The following KLHL8 variants were observed in gnomAD, a reference collection of about 807,000 sequenced individuals.
KLHL8 encodes the protein kelch-like protein 8.
In KLHL8, 38 loss-of-function variants were observed where a neutral mutation model predicts 63.5. That is an observed-to-expected ratio of 0.60 (90% CI 0.46 to 0.78). The LOEUF is 0.78. Among genes scored for constraint, KLHL8 ranks in the 30% least tolerant of loss-of-function variants. KLHL8 has a pLI of 0.00. For synonymous variants in KLHL8, 224 were observed against 254.3 expected, an observed-to-expected ratio of 0.88 and a Z score of 1.13; for missense variants, 566 against 752.4, an observed-to-expected ratio of 0.75 and a Z score of 2.90.
Position 87,176,741 on chromosome 4 carries a change from T to A in KLHL8, c.1208+16A>T, listed in dbSNP as rs1730831726. 3.6e-6 allele frequency: 5 copies of A among 1,388,018 alleles called. No individual in the cohort carries two copies. The highest frequency in any genetic ancestry group is 5.1e-6 in the Non-Finnish European group (5 of 989,460). 86.0% of individuals were successfully genotyped at this position (1,388,018 alleles called of 1,614,324 possible). A position where few individuals can be genotyped will look rare whatever the true frequency, so the allele number is the denominator to read the frequency against. On this transcript the variant is annotated intron_variant, in intron 6 of 9. Coordinates refer to ENST00000273963, the MANE Select transcript of KLHL8 (RefSeq NM_020803.5). Reference sequence around the variant, plus strand: ...TTTCCACCATCAGTTCAAAATAACTTTCCATGCTGATCTACCTCTTTGTGT... The same window carrying A: ...TTTCCACCATCAGTTCAAAATAACTATCCATGCTGATCTACCTCTTTGTGT...
intron 1 of KLHL8, 50 bp from the exon 2 acceptor site, chr4:87,195,740 T>C: frequency 2.1e-6 from 1 of 478,238 alleles, no homozygotes; most frequent in Middle Eastern, 5.5e-4. Flanking sequence ...AGAAAAAAAT[T>C]ATTGTTAACT....
chr4:87,210,868 A>T (rs181560961), intron 1 of KLHL8, among the ~76,000 whole-genome samples: 102 of 152,252 alleles, frequency 6.7e-4, no homozygotes, highest in Non-Finnish European at 1.4e-3. Context: ...ATCCCAAAAC[A>T]TCTTCCTATT....
Position 87,170,484 on chromosome 4 carries a change from T to C in KLHL8, c.1340A>G (p.Asn447Ser). Residue 447 changes from asparagine (N) to serine (S), a missense_variant, in exon 7 of 10, where the codon AAT becomes AGT. By Grantham distance (46) the Asn-to-Ser change is conservative. Coordinates refer to ENST00000273963, the MANE Select transcript of KLHL8 (RefSeq NM_020803.5). ...SDQWSTVAPM[N>S]TPRGGVGSVA... ...AGAGCCAACTCCTCCACGGGGAGTA[T>C]TCATTGGTGCCACTGTACTCCACTG... 3 of 1,611,532 alleles carry C rather than the reference T, an allele frequency of 1.9e-6. No individual in the cohort carries two copies. Among genetic ancestry groups the C allele is most frequent in the East Asian group, 2.2e-5 (1 of 44,856 alleles).
rs572708755 is a variant in KLHL8, at chr4:87,198,388, CTGAG to C, written c.-151-2702_-151-2699del. On this transcript the variant is annotated intron_variant, in intron 1 of 9. Coordinates refer to ENST00000273963, the MANE Select transcript of KLHL8 (RefSeq NM_020803.5). Reference sequence around the variant, plus strand: ...CCCCAAGCTCATAGTTTGCTGATCCCTGAGTAAGATGGTTGATTTAAACTCAACA... The same window carrying C: ...CCCCAAGCTCATAGTTTGCTGATCCCTAAGATGGTTGATTTAAACTCAACA... Among the ~76,000 whole-genome samples, 9 of 152,212 alleles carry C rather than the reference CTGAG, an allele frequency of 5.9e-5. No individual in the cohort carries two copies. In the South Asian group the frequency reaches 1.9e-3, roughly 32 times the overall value.
At chr4:87,194,670 A>G (rs1231291113) in intron 2 of KLHL8, among the ~76,000 whole-genome samples, 1 of 152,220 alleles carries the variant, frequency 6.6e-6, no homozygotes, top group East Asian at 1.9e-4. Flanking sequence ...GTAATGAGAA[A>G]CAATCAACAA....
At chr4:87,172,264 G>A (rs995023101) in intron 6 of KLHL8, among the ~76,000 whole-genome samples, 2 of 152,172 alleles carry the variant, frequency 1.3e-5, no homozygotes, top group African/African-American at 2.4e-5. Context: ...CAATAAAAAT[G>A]AGAAACAGTC....
At chr4:87,231,794 C>T (rs187724191) in intron 1 of KLHL8, among the ~76,000 whole-genome samples, 2 of 152,216 alleles carry the variant, frequency 1.3e-5, no homozygotes, top group East Asian at 1.9e-4. Context: ...GACGAGGTTT[C>T]GCCATGTTGG....
chr4:87,235,280 T>C (rs1733206929), intron 1 of KLHL8, among the ~76,000 whole-genome samples: 1 of 152,194 alleles, frequency 6.6e-6, no homozygotes, highest in Non-Finnish European at 1.5e-5. Flanking sequence ...TTTTATCTTT[T>C]ATACCGTATT....
At position 87,185,339 on chromosome 4, in the gene KLHL8, T is replaced by A. The variant is rs1253838630; in HGVS notation, c.677A>T (p.Asn226Ile). The A allele has an allele frequency of 8.1e-6, 13 of 1,614,194 alleles. No homozygotes were observed. Among genetic ancestry groups the A allele is most frequent in the Non-Finnish European group, 1.1e-5 (13 of 1,180,032 alleles). ...LLSSSDLNIE[N>I]EKQVYNAAIK... is the part of the protein sequence containing the mutation. ...GGCAGCATTATAGACCTGCTTTTCATTTTCAATATTTAGATCACTGGAGGA... is the reference window on the plus strand; with the variant it reads ...GGCAGCATTATAGACCTGCTTTTCAATTTCAATATTTAGATCACTGGAGGA... The change falls in exon 3 of 10, where the codon AAT becomes ATT. Residue 226 changes from asparagine (N) to isoleucine (I), a missense_variant. Coordinates refer to ENST00000273963, the MANE Select transcript of KLHL8 (RefSeq NM_020803.5).
In KLHL8 at chr4:87,227,643, C is replaced by T. The variant is rs118044032; in HGVS notation, n.58-6253G>A. ...CAGCTGGAGCAACAAATCCAGACCT[C>T]GTGTCTAAATAAATAACTAAGTTAT... On this transcript the variant is annotated intron_variant and non_coding_transcript_variant, in intron 1 of 1. Coordinates refer to the KLHL8 transcript ENST00000506274. Among the ~76,000 whole-genome samples the T allele has an allele frequency of 3.6e-4, 55 of 152,092 alleles. 3 individuals are homozygous for T. The East Asian group carries it at 9.8e-3, about 27-fold the overall frequency.
At position 87,164,040 on chromosome 4, in the gene KLHL8, C is replaced by T. The variant is rs144074504; in HGVS notation, c.1577G>A (p.Arg526Gln). The change falls in exon 9 of 10, where the codon CGG becomes CAG. Residue 526 changes from arginine (R) to glutamine (Q), a missense_variant. Transcript: ENST00000273963. ...CCACTTGTTGCTTCGGGGGTCATAC[C>T]GCTCAACTGAACTCAGAGGAGAATT... ...DDNSPLSSVERYDPRSNKWDY... is the reference protein window; with the variant it reads ...DDNSPLSSVEQYDPRSNKWDY... The T allele has an allele frequency of 7.4e-4, 1,192 of 1,614,104 alleles. 1 individual carries two copies. The highest frequency in any genetic ancestry group is 1.1e-3 in the Admixed American group (66 of 60,022).
At chr4:87,221,795 ATTC>A (rs1419514490), upstream of KLHL8, among the ~76,000 whole-genome samples, 9 of 152,218 alleles carry the variant, frequency 5.9e-5, no homozygotes, top group Non-Finnish European at 1.3e-4. Flanking sequence ...AATATAAATA[ATTC>A]TTAATATTTC....
At chr4:87,233,777 C>T (rs1578413167) in intron 1 of KLHL8, among the ~76,000 whole-genome samples, 1 of 152,046 alleles carries the variant, frequency 6.6e-6, no homozygotes, top group Admixed American at 6.5e-5. Context: ...ATCACGTTAC[C>T]ACTTATGCCT....
At chr4:87,188,292 A>G (rs952876248) in intron 2 of KLHL8, among the ~76,000 whole-genome samples, 3 of 152,218 alleles carry the variant, frequency 2.0e-5, no homozygotes, top group Non-Finnish European at 4.4e-5. Flanking sequence ...TTCTATGCAA[A>G]TATTTGTAAG....
chr4:87,222,338 C>G (rs1022512827), upstream of KLHL8, among the ~76,000 whole-genome samples: 1 of 152,154 alleles, frequency 6.6e-6, no homozygotes, highest in African/African-American at 2.4e-5. Flanking sequence ...CCACATTTCC[C>G]CAATCTCCCT....
intron 8 of KLHL8, 95 bp downstream of exon 8, chr4:87,169,984 A>G (rs1730574147): frequency 3.1e-6 from 3 of 957,716 alleles, no homozygotes; most frequent in Non-Finnish European, 4.8e-6. Context: ...GACCGATTCT[A>G]CTTAAGGCTA....
rs1249120679 is a variant in KLHL8 at position 87,176,887 on chromosome 4, TTTTCA to T, written c.1097-24_1097-20del. The T allele has an allele frequency of 2.3e-6, 3 of 1,319,992 alleles. No individual in the cohort carries two copies. Among genetic ancestry groups the T allele is most frequent in the African/African-American group, 2.9e-5 (2 of 68,114 alleles). 81.8% of individuals were successfully genotyped at this position (1,319,992 alleles called of 1,614,324 possible). ...ACTTTACCTGTCAAATAGAGAAGTA[TTTTCA>T]TTTGACTCCAAACAAATAAATTCAT... On this transcript the variant is annotated intron_variant, in intron 5 of 9. Transcript: ENST00000273963.
intron 4 of KLHL8, 59 bp downstream of exon 4, chr4:87,183,144 A>C: frequency 7.7e-7 from 1 of 1,299,864 alleles, no homozygotes; most frequent in Non-Finnish European, 1.0e-6. Flanking sequence ...GGCACACATG[A>C]ACAACCCTCA....
At chr4:87,233,627 T>C (rs1004116323) in intron 1 of KLHL8, among the ~76,000 whole-genome samples, 4 of 152,108 alleles carry the variant, frequency 2.6e-5, no homozygotes, top group Non-Finnish European at 4.4e-5. Flanking sequence ...ATTTACCTAG[T>C]GGGTTGAGTT....
Sources: gnomAD v4.1 joint callset for allele counts (sites outside exome capture counted in the v4.1 genomes callset) on GRCh38, gnomAD v4.1.1 for gene constraint, MANE v1.5 for transcripts, NCBI Gene and HGNC (gene_info 2026-07-23, HGNC 2026-07-21) for gene names.